FAM25C: variants seen among roughly 807,000 people sequenced by gnomAD.
The protein encoded by FAM25C is family with sequence similarity 25 member C.
FAM25C carries 4 observed loss-of-function variants against 9.6 expected under a neutral mutation model. The observed-to-expected ratio is 0.42, with a 90% CI of 0.20 to 0.95. The LOEUF (loss-of-function observed/expected upper bound fraction) is 0.95, where lower values mean the gene tolerates loss of function less well. Among genes scored for constraint, FAM25C ranks in the 40% least tolerant of loss-of-function variants. The pLI is 0.31. For synonymous variants in FAM25C, 23 were observed against 44.1 expected (o/e 0.52, Z 1.89); for missense variants, 38 against 110.4 (o/e 0.34, Z 2.94).
chr10:47,995,661 T>G (rs1232443600), intron 2 of FAM25C, 150 bp from the exon 3 acceptor site: 1 of 734,854 alleles, frequency 1.4e-6, no homozygotes, highest in African/African-American at 1.9e-5. Flanking sequence ...GCAGAATGAA[T>G]TTGAATTTGG....
chr10:47,998,318 T>C (rs1305351163), intron 1 of FAM25C, among the ~76,000 whole-genome samples: 12 of 147,012 alleles, frequency 8.2e-5, no homozygotes, highest in African/African-American at 2.6e-4. Context: ...GTGTGGGTGG[T>C]AGTGTGCTAG....
In FAM25C at chr10:47,995,542, G is replaced by A. The variant is rs1842789751; in HGVS notation, c.137-31C>T. The A allele has an allele frequency of 3.3e-6, 5 of 1,534,478 alleles. No individual in the cohort carries two copies. The East Asian group carries it at 1.2e-4, about 37-fold the overall frequency. ...GGAAAGAAAGAGGAAGAATGTCCTA[G>A]TGATCCACCTGCTGAACTTGTGTCC... On this transcript the variant is annotated intron_variant, in intron 2 of 2. Coordinates refer to ENST00000617224, the MANE Select transcript of FAM25C (RefSeq NM_001137548.3).
At chr10:47,998,426 G>C (rs1259429517) in intron 1 of FAM25C, among the ~76,000 whole-genome samples, 8 of 142,002 alleles carry the variant, frequency 5.6e-5, no homozygotes, top group Non-Finnish European at 1.2e-4. Flanking sequence ...CTGTTGGGAT[G>C]ATGAGACCCA....
In FAM25C at chr10:47,997,581, C is replaced by G. The variant is rs575631256; in HGVS notation, c.136+96G>C. The G allele has an allele frequency of 2.7e-4, 207 of 764,056 alleles. 7 individuals carry two copies. The South Asian group carries it at 3.2e-3, about 12-fold the overall frequency. 47.3% of individuals were successfully genotyped at this position (764,056 alleles called of 1,614,324 possible). A position where few individuals can be genotyped will look rare whatever the true frequency, so the allele number is the denominator to read the frequency against. Reference sequence around the variant, plus strand: ...CTCTGAAAGGCTGCAACATTAGGGGCAGAGTTTGACCTGGTTAGTCAAAGA... The same window carrying G: ...CTCTGAAAGGCTGCAACATTAGGGGGAGAGTTTGACCTGGTTAGTCAAAGA... On this transcript the variant is annotated intron_variant, in intron 2 of 2. Coordinates refer to ENST00000617224, the MANE Select transcript of FAM25C (RefSeq NM_001137548.3).
chr10:47,997,493 G>A (rs533810863), intron 2 of FAM25C, among the ~76,000 whole-genome samples, 184 bp downstream of exon 2: 1 of 151,714 alleles, frequency 6.6e-6, no homozygotes, highest in Admixed American at 6.6e-5. Context: ...CATCTAGACA[G>A]TGTCCTAACG....
intron 1 of FAM25C, among the ~76,000 whole-genome samples, chr10:47,997,989 G>C (rs1386423139): frequency 6.7e-6 from 1 of 150,214 alleles, no homozygotes; most frequent in Admixed American, 6.7e-5. Context: ...TGGCTCATGA[G>C]AAGGACCTTC....
At chr10:47,996,820 ATTTTTTTTT>A (rs60497249) in intron 2 of FAM25C, among the ~76,000 whole-genome samples, 4 of 75,034 alleles carry the variant, frequency 5.3e-5, no homozygotes, top group Non-Finnish European at 9.7e-5. Context: ...TTACATGTTA[ATTTTTTTTT>A]TTTTTTTTTT....
chr10:47,998,025 C>T (rs368625393), intron 1 of FAM25C, among the ~76,000 whole-genome samples: 82 of 150,722 alleles, frequency 5.4e-4, no homozygotes, highest in East Asian at 3.5e-3. Flanking sequence ...CATTTGGAGA[C>T]GCCAGGGCCT....
At chr10:47,995,619 G>T in intron 2 of FAM25C, 108 bp from the exon 3 acceptor site, 1 of 1,085,256 alleles carries the variant, frequency 9.2e-7, no homozygotes, top group South Asian at 1.6e-5. Context: ...TCTCTGGAGT[G>T]GCCCGATGGG....
At chr10:47,997,509 C>T (rs558336187) in intron 2 of FAM25C, among the ~76,000 whole-genome samples, 168 bp downstream of exon 2, 9 of 151,764 alleles carry the variant, frequency 5.9e-5, no homozygotes, top group South Asian at 4.2e-4. Flanking sequence ...TAACGCAGTA[C>T]GGTCTGTGGC....
At chr10:47,997,980 G>A (rs1555256663) in intron 1 of FAM25C, among the ~76,000 whole-genome samples, 1 of 149,854 alleles carries the variant, frequency 6.7e-6, no homozygotes, top group Non-Finnish European at 1.5e-5. Context: ...AGGACAGACT[G>A]GCTCATGAGA....
intron 2 of FAM25C, among the ~76,000 whole-genome samples, chr10:47,996,897 T>C (rs1842808727): frequency 7.8e-6 from 1 of 128,652 alleles, no homozygotes; most frequent in Non-Finnish European, 1.6e-5. Context: ...AGTGGCGCGA[T>C]CTCGGCTCAC....
chr10:47,995,362 G>T lies in FAM25C; in HGVS notation c.*16C>A, dbSNP rs782331342. On this transcript the variant is annotated 3_prime_UTR_variant, in exon 3 of 3. Coordinates refer to ENST00000617224, the MANE Select transcript of FAM25C (RefSeq NM_001137548.3). ...TTTTTATTGAGACTGGGGAAGGGCC[G>T]TGGTAGCAGGTGCACTCACTGTCCA... 6.8e-7 allele frequency: 1 copy of T among 1,477,722 alleles called. No homozygotes were observed. The highest frequency in any genetic ancestry group is 9.1e-7 in the Non-Finnish European group (1 of 1,096,760). 91.5% of individuals were successfully genotyped at this position (1,477,722 alleles called of 1,614,324 possible). A position where few individuals can be genotyped will look rare whatever the true frequency, so the allele number is the denominator to read the frequency against.
intron 1 of FAM25C, among the ~76,000 whole-genome samples, chr10:47,998,641 T>A (rs1177000576): frequency 8.5e-6 from 1 of 117,996 alleles, no homozygotes; most frequent in Non-Finnish European, 1.9e-5. Context: ...GTGTATCAAG[T>A]GAATGAGAAA....
At position 47,997,687 on chromosome 10, in the gene FAM25C, A is replaced by G. The variant is rs1385416618; in HGVS notation, c.126T>C (p.Thr42=). Residue 42 remains threonine, a synonymous_variant, in exon 2 of 3, where the codon ACT becomes ACC. Transcript: ENST00000617224. ...CTCAGCCGGCTGTACCTTTCTCTCC[A>G]GTCTCCTTGGCATGTCCCACCACCT... ...VKEVVGHAKE[T]GEKAIAEAIK... is the part of the protein sequence containing the mutation. The G allele has an allele frequency of 1.6e-5, 24 of 1,507,318 alleles. No individual in the cohort carries two copies. In the East Asian group the frequency reaches 5.6e-4, roughly 35 times the overall value. 93.4% of individuals were successfully genotyped at this position (1,507,318 alleles called of 1,614,324 possible).
chr10:47,998,135 G>T (rs1185452402), intron 1 of FAM25C, among the ~76,000 whole-genome samples: 1 of 151,396 alleles, frequency 6.6e-6, no homozygotes, highest in Non-Finnish European at 1.5e-5. Context: ...AGGCAGTCTT[G>T]CCAGCTGAGA....
chr10:47,997,301 G>A (rs1172320063), intron 2 of FAM25C, among the ~76,000 whole-genome samples: 3 of 147,012 alleles, frequency 2.0e-5, no homozygotes, highest in African/African-American at 7.6e-5. Flanking sequence ...AGTAGAGACG[G>A]GGTTTCACCG....
At chr10:47,995,552 T>G (rs7079789) in intron 2 of FAM25C, 41 bp from the exon 3 acceptor site, 2 of 1,534,206 alleles carry the variant, frequency 1.3e-6, no homozygotes, top group African/African-American at 1.4e-5. Context: ...GTGATCCACC[T>G]GCTGAACTTG....
chr10:47,997,554 G>T, intron 2 of FAM25C, 123 bp downstream of exon 2: 1 of 781,054 alleles, frequency 1.3e-6, no homozygotes, highest in Non-Finnish European at 2.2e-6. Context: ...CCAGCCAAGA[G>T]GCTCTGAAAG....
Sources: allele counts gnomAD v4.1 joint callset (sites outside exome capture counted in the v4.1 genomes callset), GRCh38; gene constraint gnomAD v4.1.1; transcripts MANE v1.5; gene names NCBI Gene and HGNC (gene_info 2026-07-23, HGNC 2026-07-21).